NUBPL: variants seen among roughly 807,000 people sequenced by gnomAD.
The protein encoded by NUBPL is iron-sulfur cluster transfer protein NUBPL.
NUBPL carries 31 observed loss-of-function variants against 45.7 expected under a neutral mutation model. That is an observed-to-expected ratio of 0.68 (90% CI 0.51 to 0.92). The LOEUF (loss-of-function observed/expected upper bound fraction) is 0.92. Ranked by LOEUF, NUBPL falls within the 40% of genes least tolerant of loss-of-function variation. NUBPL has a pLI of 0.00. For missense variants in NUBPL, 401 were observed against 398.7 expected, an observed-to-expected ratio of 1.01 and a Z score of -0.05; for synonymous variants, 144 against 140.9, an observed-to-expected ratio of 1.02 and a Z score of -0.15.
At chr14:31,681,187 T>A (rs930290832) in intron 6 of NUBPL, among the ~76,000 whole-genome samples, 1 of 152,084 alleles carries the variant, frequency 6.6e-6, no homozygotes, top group African/African-American at 2.4e-5. Context: ...AACCCAGGCT[T>A]GGCGTGCTTT....
chr14:31,808,411 T>A (rs1244439367), intron 7 of NUBPL, among the ~76,000 whole-genome samples: 1 of 152,228 alleles, frequency 6.6e-6, no homozygotes, highest in Non-Finnish European at 1.5e-5. Flanking sequence ...ACTCACGATT[T>A]GGCTCTCTGT....
At chr14:31,634,624 A>G (rs1020275462) in intron 4 of NUBPL, among the ~76,000 whole-genome samples, 3 of 152,116 alleles carry the variant, frequency 2.0e-5, no homozygotes, top group African/African-American at 7.2e-5. Flanking sequence ...TGGCTGGGTC[A>G]AATGGTATTT....
chr14:31,849,152 G>A (rs1408157499), intron 9 of NUBPL, among the ~76,000 whole-genome samples: 1 of 152,140 alleles, frequency 6.6e-6, no homozygotes, highest in African/African-American at 2.4e-5. Context: ...ACTTTTCCAT[G>A]TACTTCATAG....
At chr14:31,788,666 A>G (rs2039327062) in intron 7 of NUBPL, among the ~76,000 whole-genome samples, 1 of 152,170 alleles carries the variant, frequency 6.6e-6, no homozygotes, top group African/African-American at 2.4e-5. Flanking sequence ...ACCTAGCTAC[A>G]TTCTGACAGG....
At chr14:31,649,126 A>G (rs564515385) in intron 4 of NUBPL, among the ~76,000 whole-genome samples, 14 of 152,158 alleles carry the variant, frequency 9.2e-5, no homozygotes, top group East Asian at 5.8e-4. Context: ...TTGTTTTTTT[A>G]CTTCACTGTT....
chr14:31,819,889 C>A (rs987845360), intron 7 of NUBPL, among the ~76,000 whole-genome samples: 8 of 152,006 alleles, frequency 5.3e-5, no homozygotes, highest in Non-Finnish European at 1.2e-4. Flanking sequence ...ACCTGTTATC[C>A]CAGCACTTTA....
rs2040674677 is a variant in NUBPL, at chr14:31,859,260, A to T, written c.*80A>T. Reference sequence around the variant, plus strand: ...AATCAGCAATGTGGTGATGGAACCTACAGAAATAATAGAAATCATAACTGT... The same window carrying T: ...AATCAGCAATGTGGTGATGGAACCTTCAGAAATAATAGAAATCATAACTGT... On this transcript the variant is annotated 3_prime_UTR_variant, in exon 11 of 11. Transcript: ENST00000281081. 9.8e-7 allele frequency: 1 copy of T among 1,016,992 alleles called. No individual in the cohort carries two copies. The highest frequency in any genetic ancestry group is 1.6e-6 in the Non-Finnish European group (1 of 639,512). 63.0% of individuals were successfully genotyped at this position (1,016,992 alleles called of 1,614,324 possible). A position where few individuals can be genotyped will look rare whatever the true frequency, so the allele number is the denominator to read the frequency against.
At chr14:31,572,226 G>A (rs1448715801) in intron 3 of NUBPL, among the ~76,000 whole-genome samples, 1 of 151,694 alleles carries the variant, frequency 6.6e-6, no homozygotes, top group East Asian at 1.9e-4. Context: ...TGCAATCTCC[G>A]CCTCCCGGGT....
At chr14:31,757,537 C>G (rs567878111) in intron 6 of NUBPL, among the ~76,000 whole-genome samples, 1 of 152,050 alleles carries the variant, frequency 6.6e-6, no homozygotes, top group Non-Finnish European at 1.5e-5. Flanking sequence ...TCTGTGGGAT[C>G]GGTCTCTTTT....
intron 10 of NUBPL, among the ~76,000 whole-genome samples, chr14:31,856,614 G>A (rs4981917): frequency 0.29 from 44,013 of 152,148 alleles, 6,685 homozygotes; most frequent in East Asian, 0.48. Context: ...TAGATACAGT[G>A]GGGGTACAGG....
intron 7 of NUBPL, among the ~76,000 whole-genome samples, chr14:31,789,855 G>A (rs2039346838): frequency 6.6e-6 from 1 of 151,454 alleles, no homozygotes; most frequent in African/African-American, 2.4e-5. Flanking sequence ...TATGAGATGG[G>A]AGTAAAATGA....
intron 3 of NUBPL, chr14:31,578,093 T>C: frequency 1.5e-6 from 1 of 652,988 alleles, no homozygotes; most frequent in South Asian, 1.5e-5. Flanking sequence ...TACTGGGTTT[T>C]CTAAAATGTC....
intron 7 of NUBPL, among the ~76,000 whole-genome samples, chr14:31,799,939 A>G (rs986390191): frequency 2.6e-5 from 4 of 152,260 alleles, no homozygotes; most frequent in Non-Finnish European, 4.4e-5. Context: ...AATTGTCTTC[A>G]GTCTTCTCAA....
chr14:31,806,553 A>C (rs1453000849), intron 7 of NUBPL, among the ~76,000 whole-genome samples: 1 of 152,106 alleles, frequency 6.6e-6, no homozygotes, highest in African/African-American at 2.4e-5. Flanking sequence ...AGATAGATTC[A>C]AGACTGGAAA....
At chr14:31,667,192 A>G (rs2036453660) in intron 4 of NUBPL, among the ~76,000 whole-genome samples, 1 of 152,076 alleles carries the variant, frequency 6.6e-6, no homozygotes, top group African/African-American at 2.4e-5. Flanking sequence ...ACACCAATCA[A>G]TCGTAGGTTT....
chr14:31,808,791 A>G (rs1460818161), intron 7 of NUBPL, among the ~76,000 whole-genome samples: 1 of 152,206 alleles, frequency 6.6e-6, no homozygotes, highest in African/African-American at 2.4e-5. Context: ...GATATTTTCC[A>G]TCAATACCAA....
intron 7 of NUBPL, among the ~76,000 whole-genome samples, chr14:31,805,914 T>TAAAAAA (rs144717233): frequency 6.6e-6 from 1 of 151,968 alleles, no homozygotes; most frequent in African/African-American, 2.4e-5. Flanking sequence ...AAATAAAAAT[T>TAAAAAA]AAAAAATTTT....
At chr14:31,855,922 A>G (rs1372258859) in intron 10 of NUBPL, among the ~76,000 whole-genome samples, 1 of 152,210 alleles carries the variant, frequency 6.6e-6, no homozygotes, top group Non-Finnish European at 1.5e-5. Context: ...CGGGATAATG[A>G]TAGAATTTAC....
At chr14:31,644,101 G>C (rs1385530119) in intron 4 of NUBPL, among the ~76,000 whole-genome samples, 1 of 151,474 alleles carries the variant, frequency 6.6e-6, no homozygotes, top group Non-Finnish European at 1.5e-5. Context: ...TCAACTTTTT[G>C]TTTCATTGAT....
Sources: gnomAD v4.1 joint callset for allele counts (sites outside exome capture counted in the v4.1 genomes callset) on GRCh38, gnomAD v4.1.1 for gene constraint, MANE v1.5 for transcripts, NCBI Gene and HGNC (gene_info 2026-07-23, HGNC 2026-07-21) for gene names.